Variants in ASIC2 observed in about 807,000 individuals in gnomAD.
The protein encoded by ASIC2 is acid sensing ion channel subunit 2, also known as acid-sensing ion channel 2.
In ASIC2, 25 loss-of-function variants were observed where a neutral mutation model predicts 57.3. That is an observed-to-expected ratio of 0.44 (90% CI 0.32 to 0.61). The LOEUF is 0.61. Ranked by LOEUF, ASIC2 falls within the 20% of genes least tolerant of loss-of-function variation. ASIC2 has a pLI of 0.06. For synonymous variants in ASIC2, 319 were observed against 307.5 expected (o/e 1.04, Z -0.39); for missense variants, 641 against 738.1 (o/e 0.87, Z 1.52).
chr17:33,774,417 T>G (rs764096107), intron 1 of ASIC2, among the ~76,000 whole-genome samples: 2 of 152,182 alleles, frequency 1.3e-5, no homozygotes, highest in African/African-American at 2.4e-5. Flanking sequence ...GATGTCTGCC[T>G]TGGGCATAGA....
At chr17:33,458,598 G>T (rs1912531410) in intron 1 of ASIC2, among the ~76,000 whole-genome samples, 1 of 152,114 alleles carries the variant, frequency 6.6e-6, no homozygotes, top group Non-Finnish European at 1.5e-5. Context: ...ATAATGGGTT[G>T]TTGGGAGCTG....
At chr17:34,123,948 G>A (rs1261302623) in intron 1 of ASIC2, among the ~76,000 whole-genome samples, 1 of 152,100 alleles carries the variant, frequency 6.6e-6, no homozygotes, top group Non-Finnish European at 1.5e-5. Flanking sequence ...TGGGTGCGGT[G>A]GTGTGCATCT....
intron 2 of ASIC2, among the ~76,000 whole-genome samples, chr17:33,104,534 G>A (rs907279813): frequency 6.6e-6 from 1 of 152,186 alleles, no homozygotes; most frequent in Non-Finnish European, 1.5e-5. Flanking sequence ...AGCAAACGGG[G>A]GTTTCCATCT....
chr17:33,078,219 T>C (rs1406303022), intron 3 of ASIC2, among the ~76,000 whole-genome samples: 1 of 151,344 alleles, frequency 6.6e-6, no homozygotes, highest in Non-Finnish European at 1.5e-5. Context: ...AGCCAGCTTT[T>C]GATGTCAGAT....
At chr17:33,144,088 G>T (rs893952387) in intron 1 of ASIC2, among the ~76,000 whole-genome samples, 4 of 152,068 alleles carry the variant, frequency 2.6e-5, no homozygotes, top group Admixed American at 2.0e-4. Flanking sequence ...CCATGTGATT[G>T]GTCCGGGGTG....
chr17:33,080,030 GC>G (rs2092106902), intron 3 of ASIC2, among the ~76,000 whole-genome samples: 2 of 152,134 alleles, frequency 1.3e-5, no homozygotes, highest in Non-Finnish European at 2.9e-5. Flanking sequence ...GAGTTCAGCA[GC>G]CCCTGGAATG....
At chr17:34,072,820 T>C (rs995681416) in intron 1 of ASIC2, among the ~76,000 whole-genome samples, 3 of 152,218 alleles carry the variant, frequency 2.0e-5, no homozygotes, top group African/African-American at 7.2e-5. Context: ...TACACCATAA[T>C]TTATTTGGTC....
At chr17:33,253,371 G>A (rs548019007) in intron 1 of ASIC2, among the ~76,000 whole-genome samples, 6 of 152,248 alleles carry the variant, frequency 3.9e-5, no homozygotes, top group African/African-American at 1.2e-4. Context: ...GTGCATGCAC[G>A]TATATGCACA....
chr17:33,375,680 G>A (rs1437624032), intron 1 of ASIC2, among the ~76,000 whole-genome samples: 1 of 152,180 alleles, frequency 6.6e-6, no homozygotes, highest in African/African-American at 2.4e-5. Context: ...GAAGGTCACA[G>A]TGGCCTGAAC....
chr17:33,512,004 T>C (rs1041070685), intron 1 of ASIC2, among the ~76,000 whole-genome samples: 3 of 152,128 alleles, frequency 2.0e-5, no homozygotes, highest in Admixed American at 6.5e-5. Context: ...GTCAGTGCAA[T>C]AAGGGGAAAG....
intron 1 of ASIC2, among the ~76,000 whole-genome samples, chr17:34,140,861 G>T (rs1022986151): frequency 6.6e-6 from 1 of 152,150 alleles, no homozygotes; most frequent in Non-Finnish European, 1.5e-5. Flanking sequence ...AAGGTTCATT[G>T]TAATAATTCA....
At chr17:33,497,976 C>T (rs148589949) in intron 1 of ASIC2, among the ~76,000 whole-genome samples, 77 of 152,318 alleles carry the variant, frequency 5.1e-4, no homozygotes, top group African/African-American at 1.8e-3. Context: ...GTGGCTATAG[C>T]CAAGGGAAGT....
intron 1 of ASIC2, chr17:34,038,248 C>T: frequency 6.2e-7 from 1 of 1,611,024 alleles, no homozygotes; most frequent in Non-Finnish European, 8.5e-7. Context: ...GGGCCTCTTT[C>T]TCTGACATTA....
chr17:33,114,126 G>C lies in ASIC2; in HGVS notation c.709-2059C>G, dbSNP rs76562135. ...TTTCCTCACTATACGAAACAGCTCTGAGTCCCTGGCCAGCTGCACTATTTC... is the reference window on the plus strand; with the variant it reads ...TTTCCTCACTATACGAAACAGCTCTCAGTCCCTGGCCAGCTGCACTATTTC... On this transcript the variant is annotated intron_variant, in intron 1 of 9. Transcript: ENST00000225823. Among the ~76,000 whole-genome samples, 294 of 152,328 alleles carry C rather than the reference G, an allele frequency of 1.9e-3. 1 individual carries two copies. Among genetic ancestry groups the C allele is most frequent in the Non-Finnish European group, 2.9e-3 (200 of 68,028 alleles).
At chr17:33,219,890 G>A (rs1226210905) in intron 1 of ASIC2, among the ~76,000 whole-genome samples, 1 of 152,136 alleles carries the variant, frequency 6.6e-6, no homozygotes, top group African/African-American at 2.4e-5. Flanking sequence ...AGGGTCCCCT[G>A]GGCTCTGCAG....
chr17:33,179,714 T>C (rs1459393346), intron 1 of ASIC2, among the ~76,000 whole-genome samples: 1 of 152,216 alleles, frequency 6.6e-6, no homozygotes, highest in Non-Finnish European at 1.5e-5. Context: ...AAGAGACTTG[T>C]ACCAGGTTCT....
chr17:33,300,665 C>G (rs1905919703), intron 1 of ASIC2, among the ~76,000 whole-genome samples: 1 of 152,158 alleles, frequency 6.6e-6, no homozygotes, highest in African/African-American at 2.4e-5. Context: ...ATTGAATGTC[C>G]TAAGCACACA....
intron 1 of ASIC2, among the ~76,000 whole-genome samples, chr17:33,390,165 T>C (rs1317956505): frequency 6.6e-6 from 1 of 151,864 alleles, no homozygotes; most frequent in Non-Finnish European, 1.5e-5. Flanking sequence ...AGACAAAAAT[T>C]AGCCAGGTGT....
At chr17:33,564,356 G>C (rs1339781060) in intron 1 of ASIC2, among the ~76,000 whole-genome samples, 4 of 152,358 alleles carry the variant, frequency 2.6e-5, no homozygotes, top group African/African-American at 9.6e-5. Flanking sequence ...CAATGGATCA[G>C]GTTGAAGTTG....
Sources: allele counts gnomAD v4.1 joint callset (sites outside exome capture counted in the v4.1 genomes callset), GRCh38; gene constraint gnomAD v4.1.1; transcripts MANE v1.5; gene names NCBI Gene and HGNC (gene_info 2026-07-23, HGNC 2026-07-21).